Variants in ATXN7L3B observed in about 807,000 individuals in gnomAD.
ATXN7L3B encodes the protein ataxin-7-like protein 3B.
A neutral mutation model predicts 6.3 loss-of-function variants in ATXN7L3B; 4 were observed. The ratio of observed to expected loss-of-function variants is 0.63; its 90% CI spans 0.31 to 1.45. ATXN7L3B has a LOEUF of 1.45. Ranked by LOEUF, ATXN7L3B falls within the 40% of genes most tolerant of loss-of-function variation. The pLI, the probability that ATXN7L3B is intolerant of heterozygous loss-of-function variation, is 0.07. For synonymous variants in ATXN7L3B, 63 were observed against 48.0 expected, an observed-to-expected ratio of 1.31 and a Z score of -1.29; for missense variants, 120 against 118.5, an observed-to-expected ratio of 1.01 and a Z score of -0.06.
rs950536915 is a variant in ATXN7L3B at position 74,542,583 on chromosome 12, T to C, written c.*4177T>C. On this transcript the variant is annotated 3_prime_UTR_variant, in exon 1 of 1. Coordinates refer to ENST00000519948, the MANE Select transcript of ATXN7L3B (RefSeq NM_001136262.2). ...ATCTTTAAAGAAAAAAAAAAACACA[T>C]TGCATACCTTTTAACTACCAATGTT... The C allele has an allele frequency of 6.6e-6, 1 of 151,566 alleles. No individual in the cohort carries two copies. The highest frequency in any genetic ancestry group is 1.5e-5 in the Non-Finnish European group (1 of 67,898). The allele number at this position is 151,566 out of a possible 1,614,324, so 9.4% of individuals were successfully genotyped here. A position where few individuals can be genotyped will look rare whatever the true frequency, so the allele number is the denominator to read the frequency against.
At position 74,544,987 on chromosome 12, in the gene ATXN7L3B, A is replaced by C. The variant is rs571757945; in HGVS notation, c.*6581A>C. 6.6e-6 allele frequency: 1 copy of C among 152,176 alleles called. No individual in the cohort carries two copies. Among genetic ancestry groups the C allele is most frequent in the East Asian group, 1.9e-4 (1 of 5,190 alleles). The allele number at this position is 152,176 out of a possible 1,614,324, so 9.4% of individuals were successfully genotyped here. A position where few individuals can be genotyped will look rare whatever the true frequency, so the allele number is the denominator to read the frequency against. ...TGTAAAAGTTCCCTTAGGTTCAAAG[A>C]AATGCAAACTAAAAACAAAATACCA... On this transcript the variant is annotated 3_prime_UTR_variant, in exon 1 of 1. Coordinates refer to ENST00000519948, the MANE Select transcript of ATXN7L3B (RefSeq NM_001136262.2).
chr12:74,542,071 A>G lies in ATXN7L3B; in HGVS notation c.*3665A>G, dbSNP rs1868914025. On this transcript the variant is annotated 3_prime_UTR_variant, in exon 1 of 1. Transcript: ENST00000519948. ...TATTGGACATAATACTGAGATTAAT[A>G]AAAATTACAGAAATGAGTCCAGAGA... is the stretch of plus-strand genomic sequence containing the variant. The G allele has an allele frequency of 6.6e-6, 1 of 152,202 alleles. No individual in the cohort carries two copies. The allele number at this position is 152,202 out of a possible 1,614,324, so 9.4% of individuals were successfully genotyped here.
At position 74,541,819 on chromosome 12, in the gene ATXN7L3B, T is replaced by C. The variant is rs1177245001; in HGVS notation, c.*3413T>C. 6.6e-6 allele frequency: 1 copy of C among 152,222 alleles called. No homozygotes were observed. The highest frequency in any genetic ancestry group is 2.4e-5 in the African/African-American group (1 of 41,448). 9.4% of individuals were successfully genotyped at this position (152,222 alleles called of 1,614,324 possible). ...TCATTTTAAGCTAATATCCTTGTTC[T>C]CAAAAGGTAAAGTGATTCACAGCAG... On this transcript the variant is annotated 3_prime_UTR_variant, in exon 1 of 1. Coordinates refer to ENST00000519948, the MANE Select transcript of ATXN7L3B (RefSeq NM_001136262.2).
rs1166552855 is a variant in ATXN7L3B at position 74,544,066 on chromosome 12, AAGT to A, written c.*5664_*5666del. The A allele has an allele frequency of 1.3e-5, 2 of 152,184 alleles. No individual in the cohort carries two copies. The highest frequency in any genetic ancestry group is 6.5e-5 in the Admixed American group (1 of 15,288). The allele number at this position is 152,184 out of a possible 1,614,324, so 9.4% of individuals were successfully genotyped here. On this transcript the variant is annotated 3_prime_UTR_variant, in exon 1 of 1. Transcript: ENST00000519948. Reference sequence around the variant, plus strand: ...ATAGAATCTACAAACATACCATTGAAAGTAGTGAGAAAATTTAGCACAGTTACT... The same window carrying A: ...ATAGAATCTACAAACATACCATTGAAAGTGAGAAAATTTAGCACAGTTACT...
chr12:74,538,045 C>G lies in ATXN7L3B; in HGVS notation c.-68C>G, dbSNP rs1402546973. On this transcript the variant is annotated 5_prime_UTR_variant, in exon 1 of 1. Coordinates refer to ENST00000519948, the MANE Select transcript of ATXN7L3B (RefSeq NM_001136262.2). ...AAGGCCTCTAGGCCTAGGCGCGGCC[C>G]GCGGAGCCAGACGTGTTGCTGCCGT... 4 of 1,487,406 alleles carry G rather than the reference C, an allele frequency of 2.7e-6. No individual in the cohort carries two copies. The African/African-American group carries it at 5.6e-5, about 21-fold the overall frequency. The allele number at this position is 1,487,406 out of a possible 1,614,324, so 92.1% of individuals were successfully genotyped here.
rs954308014 is a variant in ATXN7L3B at position 74,542,849 on chromosome 12, G to T, written c.*4443G>T. 8 of 151,048 alleles carry T rather than the reference G, an allele frequency of 5.3e-5. No individual in the cohort carries two copies. The highest frequency in any genetic ancestry group is 2.0e-4 in the African/African-American group (8 of 40,868). The allele number at this position is 151,048 out of a possible 1,614,324, so 9.4% of individuals were successfully genotyped here. On this transcript the variant is annotated 3_prime_UTR_variant, in exon 1 of 1. Transcript: ENST00000519948. ...AAAGAGATTTATGAAGAAACTATGT[G>T]CTAAAAGCACAACAATTATTAAATT...
At position 74,544,298 on chromosome 12, in the gene ATXN7L3B, A is replaced by G. The variant is rs1338881647; in HGVS notation, c.*5892A>G. On this transcript the variant is annotated 3_prime_UTR_variant, in exon 1 of 1. Transcript: ENST00000519948. ...AAGATGTTCACGCACAGAAAATGCA[A>G]TCAATATCATTGCTCCAAATTATGT... 1 of 73,210 alleles carries G rather than the reference A, an allele frequency of 1.4e-5. No homozygotes were observed. Among genetic ancestry groups the G allele is most frequent in the Non-Finnish European group, 2.7e-5 (1 of 37,664 alleles). The allele number at this position is 73,210 out of a possible 1,614,324, so 4.5% of individuals were successfully genotyped here. A position where few individuals can be genotyped will look rare whatever the true frequency, so the allele number is the denominator to read the frequency against.
At position 74,541,766 on chromosome 12, in the gene ATXN7L3B, A is replaced by G. The variant is rs1868905120; in HGVS notation, c.*3360A>G. 6.6e-6 allele frequency: 1 copy of G among 151,414 alleles called. No homozygotes were observed. Among genetic ancestry groups the G allele is most frequent in the African/African-American group, 2.5e-5 (1 of 40,676 alleles). The allele number at this position is 151,414 out of a possible 1,614,324, so 9.4% of individuals were successfully genotyped here. A position where few individuals can be genotyped will look rare whatever the true frequency, so the allele number is the denominator to read the frequency against. The stretch of plus-strand genomic sequence containing the variant: ...AGATAGTTCCATTTGAATTGAACTC[A>G]ATATATCTTAGTAAGTACATTTTAC... On this transcript the variant is annotated 3_prime_UTR_variant, in exon 1 of 1. Coordinates refer to ENST00000519948, the MANE Select transcript of ATXN7L3B (RefSeq NM_001136262.2).
rs777898326 is a variant in ATXN7L3B at position 74,538,353 on chromosome 12, C to T, written c.241C>T (p.Pro81Ser). 6.4e-7 allele frequency: 1 copy of T among 1,551,948 alleles called. No individual in the cohort carries two copies. Among genetic ancestry groups the T allele is most frequent in the South Asian group, 1.2e-5 (1 of 84,066 alleles). Residue 81 changes from proline to serine, a missense_variant, in exon 1 of 1, where the codon CCT becomes TCT. Pro to Ser is a moderately conservative substitution (Grantham distance 74). Transcript: ENST00000519948. ...CCCGCTTTGCTCCCTTCCCGGAGAA[C>T]CTGGGAATGGGCCTGATCAGCAGCT... is the stretch of plus-strand genomic sequence containing the variant. Reference protein sequence around the residue: ...RLPLCSLPGEPGNGPDQQLQR... With the variant: ...RLPLCSLPGESGNGPDQQLQR...
rs543312911 is a variant in ATXN7L3B, at chr12:74,539,801, G to A, written c.*1395G>A. On this transcript the variant is annotated 3_prime_UTR_variant, in exon 1 of 1. Transcript: ENST00000519948. ...ACCCTCCACTTTATTCCCTGAGCGA[G>A]GGTTTATGAAGTATAAAGGGGTGGG... The A allele has an allele frequency of 1.8e-4, 30 of 167,112 alleles. No individual in the cohort carries two copies. The allele number at this position is 167,112 out of a possible 1,614,324, so 10.4% of individuals were successfully genotyped here. A position where few individuals can be genotyped will look rare whatever the true frequency, so the allele number is the denominator to read the frequency against.
chr12:74,538,040 C>G lies in ATXN7L3B; in HGVS notation c.-73C>G. 6.8e-7 allele frequency: 1 copy of G among 1,468,058 alleles called. No individual in the cohort carries two copies. The highest frequency in any genetic ancestry group is 1.3e-5 in the South Asian group (1 of 75,082). 90.9% of individuals were successfully genotyped at this position (1,468,058 alleles called of 1,614,324 possible). Reference sequence around the variant, plus strand: ...ACTGAAAGGCCTCTAGGCCTAGGCGCGGCCCGCGGAGCCAGACGTGTTGCT... The same window carrying G: ...ACTGAAAGGCCTCTAGGCCTAGGCGGGGCCCGCGGAGCCAGACGTGTTGCT... On this transcript the variant is annotated 5_prime_UTR_variant, in exon 1 of 1. Coordinates refer to ENST00000519948, the MANE Select transcript of ATXN7L3B (RefSeq NM_001136262.2).
Position 74,538,184 on chromosome 12 carries a change from C to A in ATXN7L3B, c.72C>A (p.Asp24Glu). 1 of 1,598,404 alleles carries A rather than the reference C, an allele frequency of 6.3e-7. No homozygotes were observed. The highest frequency in any genetic ancestry group is 2.3e-5 in the East Asian group (1 of 44,060). ...LEAIAQEIYV[D>E]LIEDSCLGFC... ...CCATCGCTCAGGAGATTTACGTAGA[C>A]CTGATAGAGGATTCTTGTTTGGGAT... Residue 24 changes from aspartate to glutamate, a missense_variant, in exon 1 of 1, where the codon GAC (aspartate) becomes GAA (glutamate). Transcript: ENST00000519948.
chr12:74,539,561 GCAGT>G lies in ATXN7L3B; in HGVS notation c.*1159_*1162del, dbSNP rs3839973. ...GAATGTCCCTGTTTTCTTTGGTTGGGCAGTCAGAGCTCTGCTATGGTGAACATCC... is the reference window on the plus strand; with the variant it reads ...GAATGTCCCTGTTTTCTTTGGTTGGGCAGAGCTCTGCTATGGTGAACATCC... On this transcript the variant is annotated 3_prime_UTR_variant, in exon 1 of 1. Transcript: ENST00000519948. 0.25 allele frequency: 41,940 copies of G among 166,938 alleles called. 8,122 individuals are homozygous for G. Among genetic ancestry groups the G allele is most frequent in the African/African-American group, 0.57 (23,403 of 41,300 alleles). The allele number at this position is 166,938 out of a possible 1,614,324, so 10.3% of individuals were successfully genotyped here. A position where few individuals can be genotyped will look rare whatever the true frequency, so the allele number is the denominator to read the frequency against.
chr12:74,545,338 G>A lies in ATXN7L3B; in HGVS notation c.*6932G>A, dbSNP rs1868996921. 1 of 152,038 alleles carries A rather than the reference G, an allele frequency of 6.6e-6. No individual in the cohort carries two copies. Among genetic ancestry groups the A allele is most frequent in the African/African-American group, 2.4e-5 (1 of 41,426 alleles). The allele number at this position is 152,038 out of a possible 1,614,324, so 9.4% of individuals were successfully genotyped here. On this transcript the variant is annotated 3_prime_UTR_variant, in exon 1 of 1. Coordinates refer to ENST00000519948, the MANE Select transcript of ATXN7L3B (RefSeq NM_001136262.2). ...TAGTAAACCTATGTTCTTATACTTT[G>A]TTGCCTTTCTTTTGATGTTTAACAA...
chr12:74,541,839 C>T lies in ATXN7L3B; in HGVS notation c.*3433C>T, dbSNP rs1868907091. ...TGTTCTCAAAAGGTAAAGTGATTCA[C>T]AGCAGACGATGGTTCTGCCTAATTT... On this transcript the variant is annotated 3_prime_UTR_variant, in exon 1 of 1. Coordinates refer to ENST00000519948, the MANE Select transcript of ATXN7L3B (RefSeq NM_001136262.2). The T allele has an allele frequency of 6.6e-6, 1 of 152,216 alleles. No homozygotes were observed. The highest frequency in any genetic ancestry group is 1.5e-5 in the Non-Finnish European group (1 of 68,038). The allele number at this position is 152,216 out of a possible 1,614,324, so 9.4% of individuals were successfully genotyped here.
rs899034218 is a variant in ATXN7L3B at position 74,543,310 on chromosome 12, A to C, written c.*4904A>C. 2 of 152,116 alleles carry C rather than the reference A, an allele frequency of 1.3e-5. No individual in the cohort carries two copies. Among genetic ancestry groups the C allele is most frequent in the African/African-American group, 4.8e-5 (2 of 41,440 alleles). 9.4% of individuals were successfully genotyped at this position (152,116 alleles called of 1,614,324 possible). ...GTAGAATGCTGCTGTTGTGACTCCT[A>C]GGTCAGCGGTCTTTGTTGAAGCAAT... On this transcript the variant is annotated 3_prime_UTR_variant, in exon 1 of 1. Coordinates refer to ENST00000519948, the MANE Select transcript of ATXN7L3B (RefSeq NM_001136262.2).
At position 74,543,734 on chromosome 12, in the gene ATXN7L3B, G is replaced by A. The variant is rs1374061454; in HGVS notation, c.*5328G>A. The A allele has an allele frequency of 6.6e-6, 1 of 151,910 alleles. No homozygotes were observed. Among genetic ancestry groups the A allele is most frequent in the African/African-American group, 2.4e-5 (1 of 41,396 alleles). 9.4% of individuals were successfully genotyped at this position (151,910 alleles called of 1,614,324 possible). Reference sequence around the variant, plus strand: ...CACATTACCATTAGAGAAAATCCATGTGAAAATTTGAACTGATACTGAAAA... The same window carrying A: ...CACATTACCATTAGAGAAAATCCATATGAAAATTTGAACTGATACTGAAAA... On this transcript the variant is annotated 3_prime_UTR_variant, in exon 1 of 1. Coordinates refer to ENST00000519948, the MANE Select transcript of ATXN7L3B (RefSeq NM_001136262.2).
Position 74,545,317 on chromosome 12 carries a change from A to G in ATXN7L3B, c.*6911A>G, listed in dbSNP as rs1868996062. The stretch of plus-strand genomic sequence containing the variant: ...ACCAGAGCTGTACAAATAAAATAGT[A>G]AACCTATGTTCTTATACTTTGTTGC... On this transcript the variant is annotated 3_prime_UTR_variant, in exon 1 of 1. Transcript: ENST00000519948. 1 of 152,134 alleles carries G rather than the reference A, an allele frequency of 6.6e-6. No individual in the cohort carries two copies. Among genetic ancestry groups the G allele is most frequent in the Non-Finnish European group, 1.5e-5 (1 of 67,956 alleles). The allele number at this position is 152,134 out of a possible 1,614,324, so 9.4% of individuals were successfully genotyped here.
chr12:74,543,367 A>T lies in ATXN7L3B; in HGVS notation c.*4961A>T, dbSNP rs926078548. ...ATAAATCAAACGACTAATTAAAAAC[A>T]AAACAATGAAAAATCCATGATGCTT... On this transcript the variant is annotated 3_prime_UTR_variant, in exon 1 of 1. Transcript: ENST00000519948. The T allele has an allele frequency of 2.6e-5, 4 of 152,124 alleles. No homozygotes were observed. The highest frequency in any genetic ancestry group is 2.6e-4 in the Admixed American group (4 of 15,274). 9.4% of individuals were successfully genotyped at this position (152,124 alleles called of 1,614,324 possible).
Sources: gnomAD v4.1 joint callset for allele counts on GRCh38, gnomAD v4.1.1 for gene constraint, MANE v1.5 for transcripts, NCBI Gene and HGNC (gene_info 2026-07-23, HGNC 2026-07-21) for gene names.